Variants in CSMD3 observed in about 807,000 individuals in gnomAD.
The protein encoded by CSMD3 is CUB and Sushi multiple domains 3.
CSMD3 carries 177 observed loss-of-function variants against 435.2 expected under a neutral mutation model. The observed-to-expected ratio is 0.41, with a 90% CI of 0.36 to 0.46. CSMD3 has a LOEUF of 0.46. CSMD3 is among the 20% of genes least tolerant of loss of function. The pLI, the probability that CSMD3 is intolerant of heterozygous loss-of-function variation, is 0.34. For synonymous variants in CSMD3, 1,656 were observed against 1,520.5 expected, an observed-to-expected ratio of 1.09 and a Z score of -2.07; for missense variants, 4,265 against 4,504.6, an observed-to-expected ratio of 0.95 and a Z score of 1.52.
intron 6 of CSMD3, among the ~76,000 whole-genome samples, chr8:113,018,058 G>GA (rs1462465429): frequency 6.6e-6 from 1 of 151,836 alleles, no homozygotes; most frequent in Admixed American, 6.6e-5. Context: ...GGACTTTGTC[G>GA]AAAATCTTGA....
chr8:113,183,362 GAATT>G (rs2092450808), intron 3 of CSMD3, among the ~76,000 whole-genome samples: 1 of 151,868 alleles, frequency 6.6e-6, no homozygotes, highest in African/African-American at 2.4e-5. Flanking sequence ...AACTTACTAG[GAATT>G]AATTTATTTG....
intron 1 of CSMD3, among the ~76,000 whole-genome samples, chr8:113,359,119 A>C (rs1365340179): frequency 6.6e-6 from 1 of 152,170 alleles, no homozygotes; most frequent in Non-Finnish European, 1.5e-5. Flanking sequence ...AATTTTAAAA[A>C]ATAATTTGGG....
At chr8:112,710,583 T>G (rs896507136) in intron 13 of CSMD3, among the ~76,000 whole-genome samples, 4 of 151,892 alleles carry the variant, frequency 2.6e-5, no homozygotes, top group East Asian at 1.9e-4. Context: ...TTTGGTTTTG[T>G]TTTTGTATTA....
At chr8:112,545,662 G>A (rs1391710483) in intron 27 of CSMD3, among the ~76,000 whole-genome samples, 1 of 151,900 alleles carries the variant, frequency 6.6e-6, no homozygotes, top group African/African-American at 2.4e-5. Flanking sequence ...GGAAAAAGTT[G>A]AGAAATAGAT....
intron 35 of CSMD3, among the ~76,000 whole-genome samples, chr8:112,402,511 A>T (rs745435124): frequency 4.6e-5 from 7 of 152,192 alleles, no homozygotes; most frequent in Non-Finnish European, 1.0e-4. Context: ...CTAGTTTATG[A>T]ATTTCCATGT....
intron 46 of CSMD3, 98 bp downstream of exon 46, chr8:112,319,803 C>T: frequency 2.3e-6 from 2 of 867,636 alleles, no homozygotes; most frequent in Non-Finnish European, 4.0e-6. Context: ...GAATGAGGGT[C>T]TCAAGACAGG....
At chr8:112,539,620 C>T (rs1826472067) in intron 27 of CSMD3, among the ~76,000 whole-genome samples, 1 of 152,032 alleles carries the variant, frequency 6.6e-6, no homozygotes, top group Admixed American at 6.6e-5. Context: ...TAAATCCATA[C>T]ATCTACAGCC....
At chr8:112,976,722 G>T (rs1036122336) in intron 6 of CSMD3, among the ~76,000 whole-genome samples, 14 of 151,970 alleles carry the variant, frequency 9.2e-5, no homozygotes, top group African/African-American at 3.4e-4. Context: ...CATTTGTGAT[G>T]AGCTAAGTAC....
At chr8:112,603,376 G>A (rs1273139651) in intron 22 of CSMD3, among the ~76,000 whole-genome samples, 1 of 152,216 alleles carries the variant, frequency 6.6e-6, no homozygotes, top group Admixed American at 6.5e-5. Context: ...TGCTGATGTG[G>A]AGATGACTGA....
At chr8:112,818,395 T>G (rs1417766565) in intron 12 of CSMD3, among the ~76,000 whole-genome samples, 3 of 152,142 alleles carry the variant, frequency 2.0e-5, no homozygotes, top group African/African-American at 4.8e-5. Context: ...CCTTCAGCTA[T>G]TCAATCTTTT....
At chr8:112,457,384 A>C (rs1816945728) in intron 32 of CSMD3, among the ~76,000 whole-genome samples, 1 of 152,152 alleles carries the variant, frequency 6.6e-6, no homozygotes, top group Admixed American at 6.6e-5. Flanking sequence ...AATTTTATCA[A>C]GAATTTACAG....
intron 32 of CSMD3, among the ~76,000 whole-genome samples, chr8:112,410,229 T>C (rs915600819): frequency 1.3e-5 from 2 of 151,722 alleles, no homozygotes; most frequent in Non-Finnish European, 2.9e-5. Context: ...CAGTTCTTTG[T>C]GGAGTAAAAG....
intron 13 of CSMD3, among the ~76,000 whole-genome samples, chr8:112,702,940 C>T (rs374929779): frequency 6.3e-4 from 95 of 151,950 alleles, no homozygotes; most frequent in African/African-American, 2.3e-3. Flanking sequence ...TTTCCTTAAG[C>T]TCTACCCCCA....
At chr8:113,076,202 T>TA (rs748010514) in intron 5 of CSMD3, among the ~76,000 whole-genome samples, 9 of 151,034 alleles carry the variant, frequency 6.0e-5, no homozygotes, top group Non-Finnish European at 1.3e-4. Flanking sequence ...GGATACTAGA[T>TA]AGATAGCAAA....
In CSMD3 at chr8:113,069,073, C is replaced by T. The variant is rs879622220; in HGVS notation, c.917+29683G>A. ...AAAAAGGAGGATTAGAGACGACAAA[C>T]GATTTTCTGATATATATGAACTTCT... On this transcript the variant is annotated intron_variant, in intron 5 of 70. Transcript: ENST00000297405. Among the ~76,000 whole-genome samples the T allele has an allele frequency of 5.9e-5, 9 of 152,002 alleles. No homozygotes were observed. The East Asian group carries it at 1.6e-3, about 26-fold the overall frequency.
At chr8:112,887,433 C>T (rs563857968) in intron 10 of CSMD3, among the ~76,000 whole-genome samples, 2 of 150,790 alleles carry the variant, frequency 1.3e-5, no homozygotes, top group South Asian at 2.1e-4. Flanking sequence ...TTATCTGCAA[C>T]ACGAATATAT....
intron 5 of CSMD3, among the ~76,000 whole-genome samples, chr8:113,086,945 C>T (rs1564298090): frequency 6.6e-6 from 1 of 152,138 alleles, no homozygotes; most frequent in Non-Finnish European, 1.5e-5. Flanking sequence ...CAAAGTGTAA[C>T]CTAGGTGTCA....
intron 3 of CSMD3, among the ~76,000 whole-genome samples, chr8:113,225,116 T>C (rs1156372781): frequency 6.6e-6 from 1 of 151,432 alleles, no homozygotes; most frequent in Non-Finnish European, 1.5e-5. Context: ...GAGTTAAAGG[T>C]GTTTATATTA....
At chr8:112,690,854 A>T (rs2076120212) in intron 13 of CSMD3, among the ~76,000 whole-genome samples, 1 of 152,086 alleles carries the variant, frequency 6.6e-6, no homozygotes, top group Non-Finnish European at 1.5e-5. Context: ...TTAGTAATAC[A>T]GTTGTCTTCA....
Sources: allele counts gnomAD v4.1 joint callset (sites outside exome capture counted in the v4.1 genomes callset), GRCh38; gene constraint gnomAD v4.1.1; transcripts MANE v1.5; gene names NCBI Gene and HGNC (gene_info 2026-07-23, HGNC 2026-07-21).